The following PTPRT variants were observed in gnomAD, a reference collection of about 807,000 sequenced individuals.
PTPRT encodes receptor-type tyrosine-protein phosphatase T.
In PTPRT, 56 loss-of-function variants were observed where a neutral mutation model predicts 176.8. The ratio of observed to expected loss-of-function variants is 0.32; its 90% CI spans 0.26 to 0.40. The LOEUF (loss-of-function observed/expected upper bound fraction) is 0.40. PTPRT is among the 10% of genes least tolerant of loss of function. PTPRT has a pLI of 1.00. For synonymous variants in PTPRT, 783 were observed against 739.0 expected, an observed-to-expected ratio of 1.06 and a Z score of -0.96; for missense variants, 1,540 against 1,908.2, an observed-to-expected ratio of 0.81 and a Z score of 3.60.
At chr20:43,081,076 G>A (rs1181985153) in intron 1 of PTPRT, among the ~76,000 whole-genome samples, 1 of 152,226 alleles carries the variant, frequency 6.6e-6, no homozygotes, top group East Asian at 1.9e-4. Flanking sequence ...GCTGAAGCTG[G>A]CTTGTCATTT....
intron 6 of PTPRT, among the ~76,000 whole-genome samples, chr20:42,726,668 A>G (rs1326949937): frequency 2.6e-5 from 4 of 152,214 alleles, no homozygotes; most frequent in Non-Finnish European, 1.5e-5. Flanking sequence ...TCTGGTCCCC[A>G]TGCTGAGAAG....
chr20:42,422,037 A>G (rs1398983232), intron 9 of PTPRT, among the ~76,000 whole-genome samples: 2 of 152,322 alleles, frequency 1.3e-5, no homozygotes, highest in Admixed American at 1.3e-4. Flanking sequence ...TCCTTACACC[A>G]TATACAAAAA....
In PTPRT at chr20:43,066,477, G is replaced by A. The variant is rs369476945; in HGVS notation, c.88+123169C>T. On this transcript the variant is annotated intron_variant, in intron 1 of 30. Transcript: ENST00000373187. ...CTCAGACTCCCTAACACTGGTGCAGGAATAAGTCGGTATGCTTTTCTGAAT... is the reference window on the plus strand; with the variant it reads ...CTCAGACTCCCTAACACTGGTGCAGAAATAAGTCGGTATGCTTTTCTGAAT... Among the ~76,000 whole-genome samples, 59 of 152,300 alleles carry A rather than the reference G, an allele frequency of 3.9e-4. 1 individual carries two copies. Among genetic ancestry groups the A allele is most frequent in the African/African-American group, 1.4e-3 (58 of 41,570 alleles).
chr20:42,207,330 G>A (rs374846054), intron 15 of PTPRT, among the ~76,000 whole-genome samples: 1 of 150,692 alleles, frequency 6.6e-6, no homozygotes, highest in Non-Finnish European at 1.5e-5. Flanking sequence ...GGCTTCAGAC[G>A]ATCAAATTAC....
chr20:42,173,327 T>C (rs541937427), intron 16 of PTPRT, among the ~76,000 whole-genome samples: 1 of 152,236 alleles, frequency 6.6e-6, no homozygotes, highest in East Asian at 1.9e-4. Context: ...GTGCATGTCA[T>C]GTGTGTGGGG....
chr20:42,262,964 T>C (rs1007503385), intron 13 of PTPRT, among the ~76,000 whole-genome samples: 1 of 152,110 alleles, frequency 6.6e-6, no homozygotes, highest in Non-Finnish European at 1.5e-5. Context: ...CTGTCTGAAC[T>C]TGATCCTAGA....
At chr20:42,412,194 A>G (rs967230413) in intron 9 of PTPRT, among the ~76,000 whole-genome samples, 1 of 152,246 alleles carries the variant, frequency 6.6e-6, no homozygotes, top group Non-Finnish European at 1.5e-5. Flanking sequence ...AGAATACACA[A>G]AGAACTTTGA....
At chr20:42,645,999 G>T (rs1036153876) in intron 7 of PTPRT, among the ~76,000 whole-genome samples, 6 of 152,240 alleles carry the variant, frequency 3.9e-5, no homozygotes, top group Middle Eastern at 3.4e-3. Flanking sequence ...TTCCTGGCTT[G>T]TAGTGAACAC....
chr20:42,917,233 G>T (rs550180965), intron 1 of PTPRT, among the ~76,000 whole-genome samples: 23 of 152,142 alleles, frequency 1.5e-4, no homozygotes, highest in Admixed American at 4.6e-4. Flanking sequence ...TTTCCCCATT[G>T]CTTGTTTTTG....
the PTPRT span, among the ~76,000 whole-genome samples, chr20:42,054,532 C>T: frequency 6.6e-6 from 1 of 152,168 alleles, no homozygotes; most frequent in African/African-American, 2.4e-5. Flanking sequence ...TTGAATTGTG[C>T]TCTCTGGAAT....
At chr20:42,633,676 C>T (rs1230198691) in intron 7 of PTPRT, among the ~76,000 whole-genome samples, 1 of 145,110 alleles carries the variant, frequency 6.9e-6, no homozygotes, top group Admixed American at 7.3e-5. Context: ...ATCCCAGCTA[C>T]TCTGGTGGCT....
intron 1 of PTPRT, among the ~76,000 whole-genome samples, chr20:43,026,909 C>CT (rs1985936627): frequency 1.3e-5 from 2 of 152,150 alleles, no homozygotes; most frequent in Non-Finnish European, 2.9e-5. Flanking sequence ...GTATCTCATT[C>CT]TTTTTTATGG....
At chr20:42,449,479 T>C (rs1251924851) in intron 8 of PTPRT, among the ~76,000 whole-genome samples, 1 of 152,236 alleles carries the variant, frequency 6.6e-6, no homozygotes, top group East Asian at 1.9e-4. Context: ...TTGCCAAATC[T>C]ATTTATATTT....
In PTPRT at chr20:42,725,007, TTTTG is replaced by T. The variant is rs144036056; in HGVS notation, c.859+31451_859+31454del. Among the ~76,000 whole-genome samples the T allele has an allele frequency of 4.2e-4, 47 of 111,062 alleles. 1 individual carries two copies. In the South Asian group the frequency reaches 4.7e-3, roughly 11 times the overall value. The allele number at this position is 111,062 out of a possible 152,430, so 72.9% of individuals were successfully genotyped here. A position where few individuals can be genotyped will look rare whatever the true frequency, so the allele number is the denominator to read the frequency against. On this transcript the variant is annotated intron_variant, in intron 6 of 30. Coordinates refer to ENST00000373187, the MANE Select transcript of PTPRT (RefSeq NM_007050.6). ...TTCTTGACAGCAGGATGTGGACATC[TTTTG>T]TGTGTGTGTGTGTGTGTGTGTGTGT...
intron 1 of PTPRT, among the ~76,000 whole-genome samples, chr20:43,005,715 C>T (rs764691407): frequency 6.6e-6 from 1 of 152,182 alleles, no homozygotes; most frequent in African/African-American, 2.4e-5. Flanking sequence ...GCAATGCTGA[C>T]GGCATTCAAA....
chr20:42,760,865 G>A (rs1444578964), intron 5 of PTPRT, among the ~76,000 whole-genome samples: 1 of 152,154 alleles, frequency 6.6e-6, no homozygotes, highest in Non-Finnish European at 1.5e-5. Context: ...TATTAATCAT[G>A]CTGAAGATGT....
intron 6 of PTPRT, among the ~76,000 whole-genome samples, chr20:42,724,614 TCA>T (rs2076350733): frequency 6.6e-6 from 1 of 152,194 alleles, no homozygotes; most frequent in Admixed American, 6.5e-5. Flanking sequence ...ATTTGTTTCC[TCA>T]ATTCTGCTCA....
intron 7 of PTPRT, among the ~76,000 whole-genome samples, chr20:42,475,152 C>CT (rs1293598840): frequency 6.6e-6 from 1 of 152,154 alleles, no homozygotes; most frequent in Non-Finnish European, 1.5e-5. Context: ...GTGCTGGGCT[C>CT]TATCTTCTGA....
chr20:42,681,786 C>T (rs1460961383), intron 6 of PTPRT, among the ~76,000 whole-genome samples: 1 of 152,122 alleles, frequency 6.6e-6, no homozygotes, highest in African/African-American at 2.4e-5. Context: ...CCCTGGGAGC[C>T]AGACCTAGGT....
Sources: gnomAD v4.1 joint callset for allele counts (sites outside exome capture counted in the v4.1 genomes callset) on GRCh38, gnomAD v4.1.1 for gene constraint, MANE v1.5 for transcripts, NCBI Gene and HGNC (gene_info 2026-07-23, HGNC 2026-07-21) for gene names.